Variants in CDS1 observed in about 807,000 individuals in gnomAD.
CDS1 encodes the protein phosphatidate cytidylyltransferase 1.
CDS1 carries 41 observed loss-of-function variants against 62.1 expected under a neutral mutation model. The ratio of observed to expected loss-of-function variants is 0.66; its 90% CI spans 0.51 to 0.86. CDS1 has a LOEUF of 0.86. Among genes scored for constraint, CDS1 ranks in the 40% least tolerant of loss-of-function variants. CDS1 has a pLI of 0.00. For synonymous variants in CDS1, 185 were observed against 192.6 expected, an observed-to-expected ratio of 0.96 and a Z score of 0.32; for missense variants, 470 against 550.1, an observed-to-expected ratio of 0.85 and a Z score of 1.46.
In CDS1 at chr4:84,650,927, C is replaced by T. The variant is rs1724712971; in HGVS notation, c.*2241C>T. On this transcript the variant is annotated 3_prime_UTR_variant, in exon 13 of 13. Coordinates refer to ENST00000295887, the MANE Select transcript of CDS1 (RefSeq NM_001263.4). ...TGCACTGTGAAGAGGGCTTAAATTCCAATGTAGCAATGTGGTGGCAGACAA... is the reference window on the plus strand; with the variant it reads ...TGCACTGTGAAGAGGGCTTAAATTCTAATGTAGCAATGTGGTGGCAGACAA... 1 of 152,094 alleles carries T rather than the reference C, an allele frequency of 6.6e-6. No homozygotes were observed. The highest frequency in any genetic ancestry group is 2.4e-5 in the African/African-American group (1 of 41,408). The allele number at this position is 152,094 out of a possible 1,614,324, so 9.4% of individuals were successfully genotyped here.
chr4:84,634,618 A>T (rs900953323), intron 7 of CDS1, among the ~76,000 whole-genome samples: 1 of 152,028 alleles, frequency 6.6e-6, no homozygotes, highest in African/African-American at 2.4e-5. Context: ...TTCCCTTGAC[A>T]GCTTTATGTC....
intron 5 of CDS1, among the ~76,000 whole-genome samples, chr4:84,627,451 T>C (rs968653566): frequency 6.6e-6 from 1 of 152,130 alleles, no homozygotes; most frequent in Non-Finnish European, 1.5e-5. Context: ...AAAGAACTCA[T>C]CAACTTGGTG....
Position 84,643,143 on chromosome 4 carries a change from GGT to G in CDS1, c.1152+7_1152+8del. 1.2e-6 allele frequency: 2 copies of G among 1,612,148 alleles called. No individual in the cohort carries two copies. The highest frequency in any genetic ancestry group is 1.7e-6 in the Non-Finnish European group (2 of 1,178,968). On this transcript the variant is annotated splice_donor_variant, in intron 11 of 12. Transcript: ENST00000295887. LOFTEE classifies it high-confidence loss of function. ...GATTCAAAAGAGCCTTCAAAATCAA[GGT>G]GTGTGTTTAGATTCTTTGTTATATT...
chr4:84,627,289 A>G (rs1723891394), intron 5 of CDS1, among the ~76,000 whole-genome samples: 1 of 152,222 alleles, frequency 6.6e-6, no homozygotes, highest in Non-Finnish European at 1.5e-5. Context: ...CTTGTTTAAT[A>G]TTATACAAAA....
chr4:84,651,086 T>G lies in CDS1; in HGVS notation c.*2400T>G, dbSNP rs1257891365. On this transcript the variant is annotated 3_prime_UTR_variant, in exon 13 of 13. Transcript: ENST00000295887. Reference sequence around the variant, plus strand: ...CACATTCTTCCTCAGCGCTTTTTCCTTGTTGTGGTGACGTACATTCACTAT... The same window carrying G: ...CACATTCTTCCTCAGCGCTTTTTCCGTGTTGTGGTGACGTACATTCACTAT... 4 of 152,208 alleles carry G rather than the reference T, an allele frequency of 2.6e-5. No homozygotes were observed. The South Asian group carries it at 8.3e-4, about 32-fold the overall frequency. The allele number at this position is 152,208 out of a possible 1,614,324, so 9.4% of individuals were successfully genotyped here.
chr4:84,588,461 GAA>G (rs1323288647), intron 1 of CDS1, among the ~76,000 whole-genome samples: 1 of 152,180 alleles, frequency 6.6e-6, no homozygotes, highest in African/African-American at 2.4e-5. Context: ...TTGCAATAGA[GAA>G]AAAGAGTTTA....
intron 9 of CDS1, among the ~76,000 whole-genome samples, chr4:84,639,723 A>C (rs1724321381): frequency 6.6e-6 from 1 of 152,146 alleles, no homozygotes; most frequent in Non-Finnish European, 1.5e-5. Flanking sequence ...TAACAACATG[A>C]AGCCTGGAGA....
intron 7 of CDS1, 72 bp from the exon 8 acceptor site, chr4:84,635,192 C>T: frequency 1.3e-6 from 1 of 741,828 alleles, no homozygotes; most frequent in African/African-American, 1.8e-5. Context: ...TGAATCATAA[C>T]CTTTCCGAAT....
intron 5 of CDS1, among the ~76,000 whole-genome samples, chr4:84,626,217 C>T (rs1723856610): frequency 6.6e-6 from 1 of 152,018 alleles, no homozygotes; most frequent in Non-Finnish European, 1.5e-5. Flanking sequence ...AAAAATACCA[C>T]AGGCTGATCG....
At chr4:84,634,251 A>G (rs1428502156) in intron 7 of CDS1, among the ~76,000 whole-genome samples, 2 of 152,134 alleles carry the variant, frequency 1.3e-5, no homozygotes, top group Non-Finnish European at 2.9e-5. Flanking sequence ...TTTAAATATA[A>G]TATTTATTAA....
At chr4:84,585,798 T>C (rs1000106656) in intron 1 of CDS1, among the ~76,000 whole-genome samples, 2 of 152,178 alleles carry the variant, frequency 1.3e-5, no homozygotes, top group Admixed American at 6.5e-5. Flanking sequence ...TGCAGAGGAA[T>C]GTTCCCAAGT....
intron 8 of CDS1, among the ~76,000 whole-genome samples, chr4:84,637,342 T>C (rs1372999755): frequency 6.6e-6 from 1 of 152,146 alleles, no homozygotes; most frequent in East Asian, 1.9e-4. Context: ...TTTAATTGGC[T>C]TATGGTTCTG....
intron 8 of CDS1, among the ~76,000 whole-genome samples, chr4:84,635,668 T>C (rs71670878): frequency 4.9e-5 from 6 of 122,842 alleles, no homozygotes; most frequent in Non-Finnish European, 8.6e-5. Context: ...CCTTCCTTCC[T>C]TCCTTCCTTC....
At chr4:84,592,518 T>C (rs1722624012) in intron 1 of CDS1, among the ~76,000 whole-genome samples, 2 of 152,190 alleles carry the variant, frequency 1.3e-5, no homozygotes, top group Admixed American at 1.3e-4. Flanking sequence ...AAGTTTATTA[T>C]GTAAGTATTT....
intron 2 of CDS1, among the ~76,000 whole-genome samples, chr4:84,608,746 A>G (rs1723212424): frequency 6.6e-6 from 1 of 152,004 alleles, no homozygotes; most frequent in Non-Finnish European, 1.5e-5. Flanking sequence ...ATTGGGCATC[A>G]TCTCTTTTGA....
At position 84,640,956 on chromosome 4, in the gene CDS1, C is replaced by G; in HGVS notation, c.998C>G (p.Ser333Ter). 6.2e-7 allele frequency: 1 copy of G among 1,601,642 alleles called. No homozygotes were observed. Among genetic ancestry groups the G allele is most frequent in the Non-Finnish European group, 8.5e-7 (1 of 1,174,920 alleles). The change falls in exon 10 of 13, where the codon TCA becomes TGA. Residue 333 changes from serine to a stop codon, truncating the protein, a stop_gained. Transcript: ENST00000295887. LOFTEE classifies it high-confidence loss of function. Reference protein sequence around the residue: ...PSELFQLQTYSLPPFLKAVLR... With the variant: ...PSELFQLQTY ...GAACTTTTCCAGCTTCAGACTTACT[C>G]ACTTCCACCCTTTCTAAAGGCAGTC... is the stretch of plus-strand genomic sequence containing the variant.
chr4:84,625,565 A>C (rs185095839), intron 5 of CDS1, among the ~76,000 whole-genome samples: 1 of 152,244 alleles, frequency 6.6e-6, no homozygotes, highest in East Asian at 1.9e-4. Context: ...GCGGAGGAAC[A>C]GCTGTGCAGG....
At chr4:84,610,291 A>C (rs1261210408) in intron 3 of CDS1, among the ~76,000 whole-genome samples, 1 of 152,134 alleles carries the variant, frequency 6.6e-6, no homozygotes, top group African/African-American at 2.4e-5. Context: ...AAGGAATTCC[A>C]AAGTGGAGAC....
chr4:84,642,646 A>G (rs1213907492), intron 10 of CDS1, among the ~76,000 whole-genome samples: 1 of 152,176 alleles, frequency 6.6e-6, no homozygotes, highest in Non-Finnish European at 1.5e-5. Context: ...GTGAAATAAA[A>G]TACAATATTA....
Sources: gnomAD v4.1 joint callset for allele counts (sites outside exome capture counted in the v4.1 genomes callset) on GRCh38, gnomAD v4.1.1 for gene constraint, MANE v1.5 for transcripts, NCBI Gene and HGNC (gene_info 2026-07-23, HGNC 2026-07-21) for gene names.